Variants in MTUS2 observed in about 807,000 individuals in gnomAD.
MTUS2 encodes the protein microtubule-associated tumor suppressor candidate 2.
In MTUS2, 40 loss-of-function variants were observed where a neutral mutation model predicts 114.1. The ratio of observed to expected loss-of-function variants is 0.35; its 90% confidence interval spans 0.27 to 0.46. MTUS2 has a LOEUF of 0.46. MTUS2 is among the 20% of genes least tolerant of loss of function. The pLI is 1.00. For missense variants in MTUS2, 1,679 were observed against 1,705.4 expected (o/e 0.98, Z 0.27); for synonymous variants, 688 against 672.0 (o/e 1.02, Z -0.37).
At chr13:29,116,801 CA>C (rs1473532059) in intron 5 of MTUS2, among the ~76,000 whole-genome samples, 1 of 152,078 alleles carries the variant, frequency 6.6e-6, no homozygotes. Flanking sequence ...GGATGATTCC[CA>C]TCCTGGATGG....
intron 15 of MTUS2, among the ~76,000 whole-genome samples, chr13:29,502,198 G>T (rs748117833): frequency 5.8e-4 from 89 of 152,214 alleles, no homozygotes; most frequent in Non-Finnish European, 8.5e-4. Flanking sequence ...CAGAGCAAGT[G>T]CAGACTTTAT....
rs1879826057 is a variant in MTUS2, at chr13:28,904,107, G to T, written c.-243+64257G>T. 2.0e-5 allele frequency among the ~76,000 whole-genome samples: 3 copies of T among 152,088 alleles called. No individual in the cohort carries two copies. The South Asian group carries it at 6.2e-4, about 32-fold the overall frequency. ...CCTTCGCCCACTTGTTGATGGGGTT[G>T]TTTGTTTTTTTCTTGTAAATTTATT... On this transcript the variant is annotated intron_variant, in intron 2 of 15. Transcript: ENST00000612955.
At chr13:29,038,662 G>A (rs1388614081) in intron 4 of MTUS2, among the ~76,000 whole-genome samples, 1 of 152,256 alleles carries the variant, frequency 6.6e-6, no homozygotes, top group Admixed American at 6.5e-5. Flanking sequence ...CCCCCAGGGT[G>A]CCCTGTCCCA....
chr13:28,946,126 GA>G (rs1882512889), intron 2 of MTUS2, among the ~76,000 whole-genome samples: 1 of 152,172 alleles, frequency 6.6e-6, no homozygotes, highest in Admixed American at 6.5e-5. Flanking sequence ...TTAGCTATAG[GA>G]AAAAGTTCTC....
intron 7 of MTUS2, among the ~76,000 whole-genome samples, chr13:29,353,629 A>G (rs1869485782): frequency 6.6e-6 from 1 of 152,094 alleles, no homozygotes; most frequent in East Asian, 1.9e-4. Flanking sequence ...TTTTTTCTGG[A>G]GTAAAGTTAT....
At chr13:28,989,132 A>C (rs555415421) in intron 2 of MTUS2, among the ~76,000 whole-genome samples, 40 of 152,178 alleles carry the variant, frequency 2.6e-4, no homozygotes, top group Non-Finnish European at 4.7e-4. Flanking sequence ...CTGATAACTT[A>C]AGATGCTCTG....
At chr13:29,319,328 A>AG (rs1326545239) in intron 6 of MTUS2, among the ~76,000 whole-genome samples, 9 of 152,122 alleles carry the variant, frequency 5.9e-5, no homozygotes, top group Admixed American at 6.5e-5. Flanking sequence ...ACTGTCCCCC[A>AG]GGGGGGACTT....
intron 5 of MTUS2, among the ~76,000 whole-genome samples, chr13:29,134,916 C>A (rs1891915277): frequency 6.6e-6 from 1 of 152,122 alleles, no homozygotes; most frequent in Non-Finnish European, 1.5e-5. Flanking sequence ...ACAATAGTCC[C>A]CCTTACTTTT....
At chr13:28,934,510 G>A (rs965992854) in intron 2 of MTUS2, among the ~76,000 whole-genome samples, 2 of 151,912 alleles carry the variant, frequency 1.3e-5, no homozygotes, top group Non-Finnish European at 2.9e-5. Context: ...TTTTTTAAAC[G>A]TTCACTTTAT....
intron 4 of MTUS2, among the ~76,000 whole-genome samples, chr13:29,093,971 GATC>G (rs1262424436): frequency 5.3e-5 from 8 of 152,090 alleles, no homozygotes; most frequent in African/African-American, 1.9e-4. Context: ...CAATTAAGAA[GATC>G]ATATGGTTTT....
At chr13:29,113,915 A>G (rs2025972) in intron 5 of MTUS2, among the ~76,000 whole-genome samples, 101,157 of 151,898 alleles carry the variant, frequency 0.67, 34,329 homozygotes, top group Non-Finnish European at 0.74. Flanking sequence ...CGGTTTTCTT[A>G]AATGGCTTCG....
intron 2 of MTUS2, among the ~76,000 whole-genome samples, chr13:28,970,432 A>G (rs989028448): frequency 6.6e-6 from 1 of 152,202 alleles, no homozygotes; most frequent in Non-Finnish European, 1.5e-5. Context: ...ATCTCACTGG[A>G]ACACAACCAC....
At chr13:28,963,267 C>T (rs1883416783) in intron 2 of MTUS2, among the ~76,000 whole-genome samples, 1 of 152,138 alleles carries the variant, frequency 6.6e-6, no homozygotes, top group Non-Finnish European at 1.5e-5. Context: ...AGGAGAATGG[C>T]GTGAACCCTG....
intron 8 of MTUS2, among the ~76,000 whole-genome samples, chr13:29,382,811 G>A (rs1289153440): frequency 1.3e-5 from 2 of 152,146 alleles, no homozygotes; most frequent in African/African-American, 4.8e-5. Context: ...ATGACACAAT[G>A]GGAAGATTTA....
At chr13:29,045,784 T>C (rs1396314214) in intron 4 of MTUS2, among the ~76,000 whole-genome samples, 2 of 152,138 alleles carry the variant, frequency 1.3e-5, no homozygotes, top group Non-Finnish European at 2.9e-5. Flanking sequence ...GGCCTTCAAA[T>C]GACATCTGGC....
chr13:28,872,703 C>T (rs536575006), intron 2 of MTUS2, among the ~76,000 whole-genome samples: 48 of 152,218 alleles, frequency 3.2e-4, no homozygotes, highest in African/African-American at 9.6e-4. Context: ...TCACACATTG[C>T]CTCCTCTCCC....
chr13:29,378,372 G>A (rs114668117), intron 8 of MTUS2, among the ~76,000 whole-genome samples: 7 of 152,152 alleles, frequency 4.6e-5, no homozygotes, highest in Non-Finnish European at 5.9e-5. Flanking sequence ...TTACAGGAAC[G>A]TTAAACATAT....
chr13:29,254,751 C>A (rs916751396), intron 5 of MTUS2, among the ~76,000 whole-genome samples: 1 of 152,228 alleles, frequency 6.6e-6, no homozygotes, highest in Admixed American at 6.5e-5. Flanking sequence ...AATAGAGGAG[C>A]ACTTCACAGA....
intron 7 of MTUS2, among the ~76,000 whole-genome samples, chr13:29,327,249 A>C (rs1285619850): frequency 2.0e-5 from 3 of 152,220 alleles, no homozygotes; most frequent in African/African-American, 7.2e-5. Context: ...TAATGAACAA[A>C]TACTAAACTA....
Sources: allele counts gnomAD v4.1 joint callset (sites outside exome capture counted in the v4.1 genomes callset), GRCh38; gene constraint gnomAD v4.1.1; transcripts MANE v1.5; gene names NCBI Gene and HGNC (gene_info 2026-07-23, HGNC 2026-07-21).